SUCO: variants seen among roughly 807,000 people sequenced by gnomAD.
SUCO encodes SUN domain containing ossification factor, also known as SUN domain-containing ossification factor.
A neutral mutation model predicts 148.1 loss-of-function variants in SUCO; 57 were observed. That is an observed-to-expected ratio of 0.38 (90% CI 0.31 to 0.48). SUCO has a LOEUF of 0.48. Among genes scored for constraint, SUCO ranks in the 20% least tolerant of loss-of-function variants. The probability of loss-of-function intolerance (pLI) is 0.96; values close to 1 mark genes in which losing one functional copy is unlikely to be tolerated. For missense variants in SUCO, 1,331 were observed against 1,468.2 expected (o/e 0.91, Z 1.53); for synonymous variants, 470 against 502.7 (o/e 0.93, Z 0.87).
intron 1 of SUCO, among the ~76,000 whole-genome samples, chr1:172,547,408 A>G (rs535127221): frequency 6.6e-6 from 1 of 152,298 alleles, no homozygotes; most frequent in South Asian, 2.1e-4. Context: ...AAGTACCTAA[A>G]AGTAGAATTG....
In SUCO at chr1:172,557,299, A is replaced by G. The variant is rs760448939; in HGVS notation, c.463A>G (p.Thr155Ala). 1 of 1,613,790 alleles carries G rather than the reference A, an allele frequency of 6.2e-7. No homozygotes were observed. The highest frequency in any genetic ancestry group is 1.1e-5 in the South Asian group (1 of 91,016). Residue 155 changes from threonine to alanine, a missense_variant, in exon 5 of 24, where the codon ACT (threonine) becomes GCT (alanine). By Grantham distance (58) the Thr-to-Ala change is moderately conservative. This residue lies in a region of SUCO where 992 missense variants were observed against 1,093.5 expected (regional missense o/e 0.91). Transcript: ENST00000263688. ...SKLDEIEKSGTIPIAKPSETE... is the reference protein window; with the variant it reads ...SKLDEIEKSGAIPIAKPSETE... Reference sequence around the variant, plus strand: ...TTTTAGTGAAATAGAAAAATCTGGTACTATTCCGATAGCCAAACCAAGTGA... The same window carrying G: ...TTTTAGTGAAATAGAAAAATCTGGTGCTATTCCGATAGCCAAACCAAGTGA...
chr1:172,556,652 G>C, intron 4 of SUCO: 1 of 985,020 alleles, frequency 1.0e-6, no homozygotes, highest in Non-Finnish European at 1.2e-6. Context: ...TAAGGGCCTG[G>C]GTTGAAGGAG....
intron 6 of SUCO, among the ~76,000 whole-genome samples, chr1:172,566,677 A>C (rs1174708680): frequency 1.3e-5 from 2 of 152,212 alleles, no homozygotes; most frequent in Admixed American, 6.5e-5. Flanking sequence ...TTATATGCAA[A>C]TTAAGGGGTG....
chr1:172,541,918 T>C, intron 1 of SUCO: 1 of 873,404 alleles, frequency 1.1e-6, no homozygotes, highest in Non-Finnish European at 1.4e-6. Context: ...TTTGTTTGCT[T>C]GTTTGTTTTA....
At chr1:172,570,263 G>A in intron 8 of SUCO, 92 bp downstream of exon 8, 1 of 712,206 alleles carries the variant, frequency 1.4e-6, no homozygotes, top group Non-Finnish European at 2.2e-6. Flanking sequence ...ATATTTTAAT[G>A]TGAGATATTT....
At chr1:172,587,546 C>G (rs1320515648) in intron 17 of SUCO, among the ~76,000 whole-genome samples, 1 of 151,924 alleles carries the variant, frequency 6.6e-6, no homozygotes, top group Non-Finnish European at 1.5e-5. Context: ...CAATATATTA[C>G]CTGAATATGT....
intron 9 of SUCO, 192 bp downstream of exon 9, chr1:172,570,922 C>T (rs1165227654): frequency 1.9e-5 from 9 of 476,808 alleles, no homozygotes; most frequent in Non-Finnish European, 3.4e-5. Context: ...CAAAAAATGG[C>T]AGATCTGGTT....
chr1:172,604,100 T>A (rs1657702668), intron 22 of SUCO, among the ~76,000 whole-genome samples: 1 of 151,956 alleles, frequency 6.6e-6, no homozygotes, highest in Non-Finnish European at 1.5e-5. Flanking sequence ...GAGTTACAGT[T>A]ACTTCATATT....
intron 15 of SUCO, 74 bp from the exon 16 acceptor site, chr1:172,584,940 ATTTT>A (rs1375882971): frequency 1.1e-6 from 1 of 942,030 alleles, no homozygotes; most frequent in Non-Finnish European, 1.6e-6. Context: ...ATTCTAAATG[ATTTT>A]TTGACTATCT....
intron 1 of SUCO, among the ~76,000 whole-genome samples, chr1:172,548,441 C>T (rs1471096160): frequency 6.6e-6 from 1 of 151,896 alleles, no homozygotes; most frequent in Admixed American, 6.6e-5. Flanking sequence ...ATATATCCTT[C>T]CTTGTTTCTT....
chr1:172,557,584 G>T, intron 5 of SUCO, 60 bp from the exon 6 acceptor site: 1 of 1,489,200 alleles, frequency 6.7e-7, no homozygotes, highest in South Asian at 1.3e-5. Flanking sequence ...AATTTAGATT[G>T]TATAGAATTT....
intron 15 of SUCO, among the ~76,000 whole-genome samples, chr1:172,582,257 AGAAG>A (rs534785653): frequency 2.5e-4 from 38 of 152,128 alleles, no homozygotes; most frequent in Non-Finnish European, 4.9e-4. Flanking sequence ...AGTAGATCCT[AGAAG>A]GACCATTTTC....
At chr1:172,534,168 A>C (rs1488379116) in intron 1 of SUCO, among the ~76,000 whole-genome samples, 1 of 152,098 alleles carries the variant, frequency 6.6e-6, no homozygotes, top group East Asian at 1.9e-4. Flanking sequence ...TGTATTTTCA[A>C]GGCGGGAAGA....
rs913482609 is a variant in SUCO at position 172,611,204 on chromosome 1, G to A, written c.*945G>A. ...ACATATGCACAGATCCAGTTAGTGA[G>A]TTTGTCAAGCTTAATCTAATTGGTT... is the stretch of plus-strand genomic sequence containing the variant. On this transcript the variant is annotated 3_prime_UTR_variant, in exon 24 of 24. Transcript: ENST00000263688. 4 of 152,576 alleles carry A rather than the reference G, an allele frequency of 2.6e-5. No homozygotes were observed. The highest frequency in any genetic ancestry group is 9.7e-5 in the African/African-American group (4 of 41,410). The allele number at this position is 152,576 out of a possible 1,614,324, so 9.5% of individuals were successfully genotyped here. A position where few individuals can be genotyped will look rare whatever the true frequency, so the allele number is the denominator to read the frequency against.
chr1:172,583,863 A>C (rs1270983221), intron 15 of SUCO, among the ~76,000 whole-genome samples: 2 of 152,160 alleles, frequency 1.3e-5, no homozygotes, highest in Non-Finnish European at 2.9e-5. Context: ...ACCATTTTTT[A>C]TGGAGTTCTG....
rs147131991 is a variant in SUCO at position 172,546,995 on chromosome 1, C to T, written c.63-4517C>T. Reference sequence around the variant, plus strand: ...CACATGCATACACCTGTGTAACTCACACCCCCTCAAGATATAGAATATTCT... The same window carrying T: ...CACATGCATACACCTGTGTAACTCATACCCCCTCAAGATATAGAATATTCT... On this transcript the variant is annotated intron_variant, in intron 1 of 23. Transcript: ENST00000263688. 4.4e-3 allele frequency among the ~76,000 whole-genome samples: 666 copies of T among 152,332 alleles called. 1 individual carries two copies. Among genetic ancestry groups the T allele is most frequent in the Non-Finnish European group, 7.3e-3 (495 of 68,026 alleles).
intron 15 of SUCO, among the ~76,000 whole-genome samples, chr1:172,583,384 A>G (rs879606790): frequency 2.0e-5 from 3 of 152,194 alleles, no homozygotes; most frequent in Non-Finnish European, 4.4e-5. Flanking sequence ...GAAACAAAGT[A>G]CCACTGCTTT....
At chr1:172,534,281 A>G (rs1651850477) in intron 1 of SUCO, among the ~76,000 whole-genome samples, 1 of 152,182 alleles carries the variant, frequency 6.6e-6, no homozygotes, top group Admixed American at 6.5e-5. Flanking sequence ...AAGTCGAGGG[A>G]CTGCTGTCAC....
intron 19 of SUCO, chr1:172,599,402 A>G (rs1262547070): frequency 1.2e-5 from 10 of 800,060 alleles, no homozygotes; most frequent in African/African-American, 1.9e-5. Flanking sequence ...TGTGATGTAG[A>G]ATTCCCTAAA....
Sources: gnomAD v4.1 joint callset for allele counts (sites outside exome capture counted in the v4.1 genomes callset) on GRCh38, gnomAD v4.1.1 for gene constraint, gnomAD v4.1.1 regional missense constraint, MANE v1.5 for transcripts, NCBI Gene and HGNC (gene_info 2026-07-23, HGNC 2026-07-21) for gene names.